CLSTN2: variants seen among roughly 807,000 people sequenced by gnomAD.
CLSTN2 encodes calsyntenin-2.
A neutral mutation model predicts 101.2 loss-of-function variants in CLSTN2; 48 were observed. The observed-to-expected ratio is 0.47, with a 90% confidence interval of 0.38 to 0.60. The LOEUF (loss-of-function observed/expected upper bound fraction) is 0.60. CLSTN2 is among the 20% of genes least tolerant of loss of function. The pLI is 0.00. For synonymous variants in CLSTN2, 481 were observed against 463.6 expected, an observed-to-expected ratio of 1.04 and a Z score of -0.48; for missense variants, 1,160 against 1,238.2, an observed-to-expected ratio of 0.94 and a Z score of 0.95.
In CLSTN2 at chr3:140,113,487, C is replaced by T. The variant is rs2009189491; in HGVS notation, c.110-62464C>T. Among the ~76,000 whole-genome samples, 7 of 152,362 alleles carry T rather than the reference C, an allele frequency of 4.6e-5. No individual in the cohort carries two copies. In the South Asian group the frequency reaches 1.4e-3, roughly 32 times the overall value. On this transcript the variant is annotated intron_variant, in intron 1 of 16. Coordinates refer to ENST00000458420, the MANE Select transcript of CLSTN2 (RefSeq NM_022131.3). ...TGTCTGAGCCGTCTCAGGCCTGTGC[C>T]CTTCCCAATCTCCTGTCCTACTCTT... is the stretch of plus-strand genomic sequence containing the variant.
At chr3:140,558,597 A>T in intron 11 of CLSTN2, 43 bp from the exon 12 acceptor site, 2 of 1,536,376 alleles carry the variant, frequency 1.3e-6, no homozygotes, top group Non-Finnish European at 1.8e-6. Context: ...CAGATGGTTT[A>T]ATTGTTTGCT....
intron 1 of CLSTN2, among the ~76,000 whole-genome samples, chr3:140,009,682 T>C (rs2007032519): frequency 1.3e-5 from 2 of 152,246 alleles, no homozygotes; most frequent in African/African-American, 4.8e-5. Context: ...GTTTCTGTTG[T>C]TATAAATTTT....
intron 2 of CLSTN2, among the ~76,000 whole-genome samples, chr3:140,230,227 C>A (rs2086358418): frequency 6.6e-6 from 1 of 152,052 alleles, no homozygotes. Context: ...ATACTGATTG[C>A]AGTGTTGTGA....
At chr3:140,563,680 A>G (rs1437604193) in intron 15 of CLSTN2, among the ~76,000 whole-genome samples, 1 of 152,228 alleles carries the variant, frequency 6.6e-6, no homozygotes, top group Admixed American at 6.5e-5. Flanking sequence ...CAGGAATAAA[A>G]GAGAATTTGC....
At chr3:140,206,016 T>C (rs2010777482) in intron 2 of CLSTN2, among the ~76,000 whole-genome samples, 1 of 152,186 alleles carries the variant, frequency 6.6e-6, no homozygotes, top group African/African-American at 2.4e-5. Flanking sequence ...GTGAGGGATT[T>C]TATTAAAGAT....
In CLSTN2 at chr3:140,494,876, GGATT is replaced by G. The variant is rs140575351; in HGVS notation, c.1344+28150_1344+28153del. On this transcript the variant is annotated intron_variant, in intron 8 of 16. Coordinates refer to ENST00000458420, the MANE Select transcript of CLSTN2 (RefSeq NM_022131.3). ...TCCAGTCTATCATTGATGGACATTT[GGATT>G]GATTCTATGTCTTTGCTATTGTGAA... Among the ~76,000 whole-genome samples, 483 of 152,248 alleles carry G rather than the reference GGATT, an allele frequency of 3.2e-3. 2 individuals are homozygous for G. The highest frequency in any genetic ancestry group is 0.011 in the African/African-American group (458 of 41,552).
intron 2 of CLSTN2, among the ~76,000 whole-genome samples, chr3:140,183,294 G>A (rs2010436364): frequency 6.6e-6 from 1 of 152,136 alleles, no homozygotes; most frequent in African/African-American, 2.4e-5. Context: ...AGACTATCCT[G>A]GTTTGCTTGG....
intron 2 of CLSTN2, among the ~76,000 whole-genome samples, chr3:140,267,890 A>G (rs1025913929): frequency 6.6e-6 from 1 of 152,150 alleles, no homozygotes; most frequent in Non-Finnish European, 1.5e-5. Flanking sequence ...TTCTCGGAAG[A>G]CTGAATTCCT....
At chr3:140,247,414 C>T (rs1305313006) in intron 2 of CLSTN2, among the ~76,000 whole-genome samples, 2 of 152,236 alleles carry the variant, frequency 1.3e-5, no homozygotes, top group East Asian at 3.9e-4. Context: ...GCCAGGGGAC[C>T]TTTGGGAAGC....
At chr3:140,272,314 C>T (rs567562022) in intron 2 of CLSTN2, among the ~76,000 whole-genome samples, 11 of 152,192 alleles carry the variant, frequency 7.2e-5, no homozygotes, top group Non-Finnish European at 1.0e-4. Context: ...TTATGCCAGA[C>T]ACAGAGTAAC....
At chr3:140,384,468 T>C (rs1032157024) in intron 2 of CLSTN2, among the ~76,000 whole-genome samples, 2 of 152,214 alleles carry the variant, frequency 1.3e-5, no homozygotes, top group Admixed American at 6.5e-5. Flanking sequence ...GCAGTATTGA[T>C]GACAATGCAA....
chr3:140,272,693 A>C (rs1287032736), intron 2 of CLSTN2, among the ~76,000 whole-genome samples: 1 of 152,222 alleles, frequency 6.6e-6, no homozygotes, highest in Non-Finnish European at 1.5e-5. Flanking sequence ...TAGAGGTTGC[A>C]GTGAGCCGAG....
chr3:139,935,438 G>A lies in CLSTN2; in HGVS notation c.64G>A (p.Gly22Ser), dbSNP rs566383695. Residue 22 changes from glycine (G) to serine (S), a missense_variant, in exon 1 of 17, where the codon GGC (glycine) becomes AGC (serine). Transcript: ENST00000458420. The surrounding 1 kb of genome is among the most constrained non-coding windows in gnomAD (Gnocchi z 5.5). ...LLALGVGSGS[G>S]GGGDSRQRRL... ...GGCGCTGGGCGTGGGGAGCGGCAGC[G>A]GCGGTGGCGGGGACAGCCGGCAGCG... The A allele has an allele frequency of 3.3e-4, 407 of 1,231,646 alleles. 4 individuals are homozygous for A. In the East Asian group the frequency reaches 0.011, roughly 34 times the overall value. 76.3% of individuals were successfully genotyped at this position (1,231,646 alleles called of 1,614,324 possible). A position where few individuals can be genotyped will look rare whatever the true frequency, so the allele number is the denominator to read the frequency against.
At chr3:140,405,094 A>G (rs2088287864) in intron 4 of CLSTN2, among the ~76,000 whole-genome samples, 1 of 152,182 alleles carries the variant, frequency 6.6e-6, no homozygotes, top group African/African-American at 2.4e-5. Flanking sequence ...GATGTGAGCC[A>G]TGCCATCAGC....
chr3:140,526,591 CAAACA>C (rs969122013), intron 8 of CLSTN2, among the ~76,000 whole-genome samples: 12 of 115,806 alleles, frequency 1.0e-4, no homozygotes, highest in African/African-American at 3.4e-4. Context: ...AACAAACAAA[CAAACA>C]AAAAAAAAAA....
At chr3:140,242,919 A>T (rs1364390693) in intron 2 of CLSTN2, among the ~76,000 whole-genome samples, 5 of 152,232 alleles carry the variant, frequency 3.3e-5, no homozygotes, top group African/African-American at 9.6e-5. Flanking sequence ...CAGGAGCCAC[A>T]CATGCGCTCA....
intron 2 of CLSTN2, among the ~76,000 whole-genome samples, chr3:140,258,815 T>C (rs1213580543): frequency 2.0e-5 from 3 of 152,208 alleles, no homozygotes; most frequent in Non-Finnish European, 4.4e-5. Context: ...TGCCATATGA[T>C]TGTAAAACTC....
At chr3:140,193,904 G>T (rs2107837735) in intron 2 of CLSTN2, among the ~76,000 whole-genome samples, 2 of 152,034 alleles carry the variant, frequency 1.3e-5, no homozygotes, top group Admixed American at 1.3e-4. Flanking sequence ...CCTCCATTCT[G>T]CTGATGAGCC....
intron 1 of CLSTN2, among the ~76,000 whole-genome samples, chr3:140,125,687 G>C (rs372950775): frequency 1.3e-5 from 2 of 152,142 alleles, no homozygotes; most frequent in Admixed American, 6.5e-5. Context: ...TTACCCACTT[G>C]AGATTTGGGT....
Sources: gnomAD v4.1 joint callset for allele counts (sites outside exome capture counted in the v4.1 genomes callset) on GRCh38, gnomAD v4.1.1 for gene constraint, Gnocchi (gnomAD v3.1) non-coding constraint, MANE v1.5 for transcripts, NCBI Gene and HGNC (gene_info 2026-07-23, HGNC 2026-07-21) for gene names.